The following CPNE4 variants were observed in gnomAD, a reference collection of about 807,000 sequenced individuals.
The protein encoded by CPNE4 is copine 4.
CPNE4 carries 25 observed loss-of-function variants against 67.9 expected under a neutral mutation model. The ratio of observed to expected loss-of-function variants is 0.37; its 90% confidence interval spans 0.27 to 0.51. The LOEUF (loss-of-function observed/expected upper bound fraction) is 0.51. Among genes scored for constraint, CPNE4 ranks in the 20% least tolerant of loss-of-function variants. The pLI is 0.93. For synonymous variants in CPNE4, 242 were observed against 244.9 expected, an observed-to-expected ratio of 0.99 and a Z score of 0.11; for missense variants, 464 against 690.8, an observed-to-expected ratio of 0.67 and a Z score of 3.68.
Position 132,034,466 on chromosome 3 carries a change from C to T in CPNE4, c.-2+101G>A, listed in dbSNP as rs145648981. Reference sequence around the variant, plus strand: ...CAAACGTGCAAAGGTGAGCGAGAACCAGTGCATCTCAAAAGTTGGTCTTGC... The same window carrying T: ...CAAACGTGCAAAGGTGAGCGAGAACTAGTGCATCTCAAAAGTTGGTCTTGC... On this transcript the variant is annotated intron_variant, in intron 1 of 15. Transcript: ENST00000429747. 4.9e-5 allele frequency: 18 copies of T among 370,250 alleles called. 1 individual carries two copies. The highest frequency in any genetic ancestry group is 1.4e-3 in the Middle Eastern group (1 of 724). 22.9% of individuals were successfully genotyped at this position (370,250 alleles called of 1,614,324 possible).
In CPNE4 at chr3:131,629,891, G is replaced by A. The variant is rs115156974; in HGVS notation, c.681+39784C>T. Among the ~76,000 whole-genome samples, 872 of 151,962 alleles carry A rather than the reference G, an allele frequency of 5.7e-3. 12 individuals carry two copies. The highest frequency in any genetic ancestry group is 0.02 in the African/African-American group (835 of 41,436). Reference sequence around the variant, plus strand: ...GCCTGTAATAGGCATTTGTGAATGTGGTCTCTCTCTCGTTCTCTCTCTCTC... The same window carrying A: ...GCCTGTAATAGGCATTTGTGAATGTAGTCTCTCTCTCGTTCTCTCTCTCTC... On this transcript the variant is annotated intron_variant, in intron 7 of 15. Transcript: ENST00000429747.
intron 2 of CPNE4, among the ~76,000 whole-genome samples, chr3:131,777,378 GTTT>G (rs35495075): frequency 5.7e-4 from 81 of 142,604 alleles, no homozygotes; most frequent in South Asian, 1.3e-3. Context: ...GCATTTCAAG[GTTT>G]TTTTTTTTTT....
At position 131,676,167 on chromosome 3, in the gene CPNE4, T is replaced by C. The variant is rs1438818660; in HGVS notation, c.592-6403A>G. 2.0e-5 allele frequency among the ~76,000 whole-genome samples: 3 copies of C among 151,730 alleles called. No individual in the cohort carries two copies. The East Asian group carries it at 5.8e-4, about 29-fold the overall frequency. ...ACCTCGTAGGTTCAAGCAATTCTGCTCCTTCAGCCTCCTTCCTAGTAGCTG... is the reference window on the plus strand; with the variant it reads ...ACCTCGTAGGTTCAAGCAATTCTGCCCCTTCAGCCTCCTTCCTAGTAGCTG... On this transcript the variant is annotated intron_variant, in intron 6 of 15. Coordinates refer to ENST00000429747, the MANE Select transcript of CPNE4 (RefSeq NM_130808.3).
intron 1 of CPNE4, among the ~76,000 whole-genome samples, chr3:131,937,820 C>T (rs1366181688): frequency 6.6e-6 from 1 of 151,988 alleles, no homozygotes; most frequent in Non-Finnish European, 1.5e-5. Context: ...AATATAGTCA[C>T]ATTTAACAAC....
chr3:131,564,047 G>A (rs1186633321), intron 11 of CPNE4, among the ~76,000 whole-genome samples, 169 bp downstream of exon 11: 2 of 152,034 alleles, frequency 1.3e-5, no homozygotes, highest in South Asian at 4.1e-4. Context: ...GGTGACCAGC[G>A]TGAGCAAGGT....
intron 1 of CPNE4, among the ~76,000 whole-genome samples, chr3:131,946,243 T>G (rs1184706501): frequency 6.6e-6 from 1 of 152,208 alleles, no homozygotes; most frequent in Non-Finnish European, 1.5e-5. Context: ...TTCTCTATTC[T>G]GAATATTTCA....
chr3:131,666,492 A>C (rs750752830), intron 7 of CPNE4, among the ~76,000 whole-genome samples: 1 of 152,154 alleles, frequency 6.6e-6, no homozygotes, highest in Non-Finnish European at 1.5e-5. Context: ...TCCAGAAAGC[A>C]AGGACGTTAT....
chr3:131,933,790 C>CAAAAAAAAAAAAAAAA (rs764404007), intron 1 of CPNE4, among the ~76,000 whole-genome samples: 1 of 115,938 alleles, frequency 8.6e-6, no homozygotes, highest in South Asian at 2.8e-4. Flanking sequence ...ACAGAAAGAC[C>CAAAAAAAAAAAAAAAA]AAAAAAAAAA....
chr3:131,765,610 C>A (rs1223403993), intron 2 of CPNE4, among the ~76,000 whole-genome samples: 1 of 152,078 alleles, frequency 6.6e-6, no homozygotes, highest in African/African-American at 2.4e-5. Context: ...CTGTCAAGGT[C>A]CTTTACTATA....
chr3:131,747,399 T>G (rs1314777485), intron 2 of CPNE4, among the ~76,000 whole-genome samples: 1 of 152,176 alleles, frequency 6.6e-6, no homozygotes, highest in Non-Finnish European at 1.5e-5. Context: ...AGTAGCTTTG[T>G]AGTTTCAGGT....
chr3:131,614,363 A>C (rs1395101756), intron 7 of CPNE4, among the ~76,000 whole-genome samples: 1 of 152,214 alleles, frequency 6.6e-6, no homozygotes, highest in Non-Finnish European at 1.5e-5. Context: ...GTGAAAACCA[A>C]AGTGAAATTA....
intron 1 of CPNE4, among the ~76,000 whole-genome samples, chr3:131,979,738 T>C (rs1197885069): frequency 6.6e-6 from 1 of 152,094 alleles, no homozygotes; most frequent in African/African-American, 2.4e-5. Context: ...TTGTTGCCCA[T>C]GTATCTTGAG....
At chr3:131,610,632 G>A (rs1939782246) in intron 7 of CPNE4, among the ~76,000 whole-genome samples, 2 of 152,148 alleles carry the variant, frequency 1.3e-5, no homozygotes, top group Admixed American at 1.3e-4. Context: ...ATTCTCCTGA[G>A]ATTTTGCTTT....
intron 7 of CPNE4, among the ~76,000 whole-genome samples, chr3:131,663,416 C>T (rs865903323): frequency 1.3e-5 from 2 of 151,548 alleles, no homozygotes; most frequent in South Asian, 2.1e-4. Flanking sequence ...CACCATAGCC[C>T]GTGTATACCT....
chr3:131,909,334 C>T (rs140996319), intron 1 of CPNE4, among the ~76,000 whole-genome samples: 1 of 152,270 alleles, frequency 6.6e-6, no homozygotes, highest in African/African-American at 2.4e-5. Context: ...GAATCCTATA[C>T]TCAATAAAAG....
At chr3:131,937,131 A>G (rs1348307727) in intron 1 of CPNE4, among the ~76,000 whole-genome samples, 1 of 152,172 alleles carries the variant, frequency 6.6e-6, no homozygotes, top group Non-Finnish European at 1.5e-5. Flanking sequence ...AATTAAAAAC[A>G]TACAATCAAG....
chr3:131,709,185 T>G (rs2081497995), intron 3 of CPNE4, among the ~76,000 whole-genome samples: 1 of 151,892 alleles, frequency 6.6e-6, no homozygotes, highest in Non-Finnish European at 1.5e-5. Context: ...TTTCTATTTC[T>G]AAATAGTTTT....
At chr3:131,987,856 C>T (rs1187688923) in intron 1 of CPNE4, among the ~76,000 whole-genome samples, 2 of 152,160 alleles carry the variant, frequency 1.3e-5, no homozygotes, top group African/African-American at 4.8e-5. Context: ...AGGCTCTAGA[C>T]TAGTGTCAGG....
intron 7 of CPNE4, among the ~76,000 whole-genome samples, chr3:131,663,454 T>C (rs954085542): frequency 6.6e-6 from 1 of 151,680 alleles, no homozygotes; most frequent in African/African-American, 2.4e-5. Flanking sequence ...ATTTTGCACA[T>C]GTATCCTAGA....
Sources: gnomAD v4.1 joint callset for allele counts (sites outside exome capture counted in the v4.1 genomes callset) on GRCh38, gnomAD v4.1.1 for gene constraint, MANE v1.5 for transcripts, NCBI Gene and HGNC (gene_info 2026-07-23, HGNC 2026-07-21) for gene names.